SND1: variants seen among roughly 807,000 people sequenced by gnomAD.
The protein encoded by SND1 is staphylococcal nuclease domain-containing protein 1.
In SND1, 38 loss-of-function variants were observed where a neutral mutation model predicts 121.7. The ratio of observed to expected loss-of-function variants is 0.31; its 90% confidence interval spans 0.24 to 0.41. The LOEUF is 0.41. Ranked by LOEUF, SND1 falls within the 10% of genes least tolerant of loss-of-function variation. The pLI, the probability that SND1 is intolerant of heterozygous loss-of-function variation, is 1.00. For synonymous variants in SND1, 401 were observed against 447.4 expected, an observed-to-expected ratio of 0.90 and a Z score of 1.31; for missense variants, 868 against 1,184.6, an observed-to-expected ratio of 0.73 and a Z score of 3.92.
intron 11 of SND1, among the ~76,000 whole-genome samples, chr7:127,818,607 G>A (rs963209448): frequency 1.2e-4 from 18 of 152,274 alleles, no homozygotes; most frequent in African/African-American, 4.3e-4. Flanking sequence ...GTACGTCAGT[G>A]CCTTGCTCCA....
At chr7:127,895,156 A>G (rs369771743) in intron 13 of SND1, among the ~76,000 whole-genome samples, 31 of 152,182 alleles carry the variant, frequency 2.0e-4, no homozygotes, top group African/African-American at 7.5e-4. Flanking sequence ...CAACAGTTTA[A>G]TGGTATGGCT....
At chr7:128,045,080 C>T (rs945624060) in intron 16 of SND1, among the ~76,000 whole-genome samples, 1 of 152,110 alleles carries the variant, frequency 6.6e-6, no homozygotes, top group African/African-American at 2.4e-5. Context: ...CAGATACGAG[C>T]TGATGGGAGA....
chr7:127,742,334 T>A (rs1796895569), intron 10 of SND1, among the ~76,000 whole-genome samples: 1 of 152,168 alleles, frequency 6.6e-6, no homozygotes, highest in South Asian at 2.1e-4. Context: ...AGTGTCATTT[T>A]CAGTAGCTTT....
chr7:127,718,432 A>G (rs964733427), intron 9 of SND1: 8 of 266,418 alleles, frequency 3.0e-5, no homozygotes, highest in Non-Finnish European at 4.1e-5. Flanking sequence ...TCTGGACAGT[A>G]ATGACACAAT....
At chr7:127,663,988 G>A (rs1332508356) in intron 1 of SND1, among the ~76,000 whole-genome samples, 1 of 152,090 alleles carries the variant, frequency 6.6e-6, no homozygotes, top group Admixed American at 6.5e-5. Context: ...AATATATCTG[G>A]TCGTGGTCTT....
intron 16 of SND1, among the ~76,000 whole-genome samples, chr7:128,024,790 T>C (rs1037891239): frequency 1.1e-3 from 161 of 152,326 alleles, no homozygotes; most frequent in African/African-American, 3.6e-3. Context: ...AGCTACAGCA[T>C]GGCACTTAAA....
At chr7:128,033,093 G>GC (rs1792679838) in intron 16 of SND1, among the ~76,000 whole-genome samples, 1 of 152,186 alleles carries the variant, frequency 6.6e-6, no homozygotes, top group African/African-American at 2.4e-5. Context: ...GGGCGGCTGA[G>GC]CCCCCTGCCC....
intron 15 of SND1, among the ~76,000 whole-genome samples, chr7:127,985,257 A>G (rs907706446): frequency 6.6e-6 from 1 of 152,156 alleles, no homozygotes; most frequent in African/African-American, 2.4e-5. Flanking sequence ...GTTGTCCACT[A>G]CATTCTGCCA....
intron 15 of SND1, among the ~76,000 whole-genome samples, chr7:127,978,086 G>T (rs751991397): frequency 1.3e-5 from 2 of 152,166 alleles, no homozygotes; most frequent in East Asian, 3.8e-4. Context: ...AGTTCTGCAT[G>T]ATCACAGTGA....
chr7:128,086,474 C>A, intron 20 of SND1: 1 of 258,670 alleles, frequency 3.9e-6, no homozygotes. Context: ...GGAAGAGGTC[C>A]TGCCAGACAA....
At chr7:127,858,445 C>T in intron 12 of SND1, 1 of 729,608 alleles carries the variant, frequency 1.4e-6, no homozygotes, top group South Asian at 1.5e-5. Context: ...CCAAGCTGTC[C>T]TCCTCTTCCA....
In SND1 at chr7:127,779,976, A is replaced by G. The variant is rs140141708; in HGVS notation, c.1153-27508A>G. 5.2e-3 allele frequency among the ~76,000 whole-genome samples: 789 copies of G among 152,192 alleles called. 4 individuals are homozygous for G. Among genetic ancestry groups the G allele is most frequent in the Middle Eastern group, 0.017 (5 of 294 alleles). On this transcript the variant is annotated intron_variant, in intron 10 of 23. Transcript: ENST00000354725. ...TCTTGTTTTATGGCGTTGTTTTTCT[A>G]GTTTTGCACTGTGGGCACATCTCAT... is the stretch of plus-strand genomic sequence containing the variant.
intron 17 of SND1, among the ~76,000 whole-genome samples, chr7:128,076,391 T>G (rs959812420): frequency 6.6e-6 from 1 of 152,208 alleles, no homozygotes; most frequent in Non-Finnish European, 1.5e-5. Context: ...TAAAATGCAG[T>G]GCACAACTCT....
intron 12 of SND1, 126 bp downstream of exon 12, chr7:127,844,550 A>G (rs1365378760): frequency 1.4e-6 from 1 of 691,676 alleles, no homozygotes; most frequent in Non-Finnish European, 2.4e-6. Context: ...GTGGTTTATA[A>G]TTTTGTGCCT....
At chr7:127,766,594 T>G (rs1584557268) in intron 10 of SND1, among the ~76,000 whole-genome samples, 1 of 151,432 alleles carries the variant, frequency 6.6e-6, no homozygotes, top group Non-Finnish European at 1.5e-5. Context: ...GCCAACGTGG[T>G]GAAACCCCGT....
intron 10 of SND1, among the ~76,000 whole-genome samples, chr7:127,726,089 T>C (rs1170094192): frequency 6.6e-6 from 1 of 152,216 alleles, no homozygotes; most frequent in Non-Finnish European, 1.5e-5. Flanking sequence ...ATATTTCTGC[T>C]CCCTTAATTT....
intron 11 of SND1, among the ~76,000 whole-genome samples, chr7:127,827,394 C>G (rs1798661353): frequency 1.3e-5 from 2 of 152,080 alleles, no homozygotes; most frequent in South Asian, 4.1e-4. Flanking sequence ...TGTTTTATAA[C>G]CTAGCCTAAT....
chr7:127,764,856 G>A (rs879343194), intron 10 of SND1, among the ~76,000 whole-genome samples: 4 of 152,282 alleles, frequency 2.6e-5, no homozygotes, highest in Non-Finnish European at 4.4e-5. Context: ...TGGTGAAGTC[G>A]ATCGAGGTAA....
At chr7:127,684,281 C>A (rs911193895) in intron 1 of SND1, among the ~76,000 whole-genome samples, 2 of 152,112 alleles carry the variant, frequency 1.3e-5, no homozygotes, top group Non-Finnish European at 2.9e-5. Flanking sequence ...CCAAGAGGTC[C>A]CCTGGGAATG....
Sources: gnomAD v4.1 joint callset for allele counts (sites outside exome capture counted in the v4.1 genomes callset) on GRCh38, gnomAD v4.1.1 for gene constraint, MANE v1.5 for transcripts, NCBI Gene and HGNC (gene_info 2026-07-23, HGNC 2026-07-21) for gene names.